Variants in POLR1A observed in about 807,000 individuals in gnomAD.
POLR1A encodes the protein RNA polymerase I subunit A, also known as DNA-directed RNA polymerase I subunit RPA1.
Under a neutral mutation model 205.3 loss-of-function variants are expected in POLR1A, and 84 were observed. The observed-to-expected ratio is 0.41, with a 90% CI of 0.34 to 0.49. POLR1A has a LOEUF of 0.49. POLR1A is among the 20% of genes least tolerant of loss of function. The pLI is 0.22. For missense variants in POLR1A, 1,645 were observed against 2,204.5 expected, an observed-to-expected ratio of 0.75 and a Z score of 5.08; for synonymous variants, 799 against 863.7, an observed-to-expected ratio of 0.93 and a Z score of 1.31.
intron 16 of POLR1A, among the ~76,000 whole-genome samples, chr2:86,049,785 A>G (rs2104396236): frequency 6.6e-6 from 1 of 152,266 alleles, no homozygotes; most frequent in South Asian, 2.1e-4. Flanking sequence ...GTCCCTCAGC[A>G]TTGCTTCAGG....
At position 86,054,293 on chromosome 2, in the gene POLR1A, CAAAGAA is replaced by C. The variant is rs1179032896; in HGVS notation, c.2059-10_2059-5del. On this transcript the variant is annotated splice_region_variant and splice_polypyrimidine_tract_variant and intron_variant, in intron 14 of 33. Coordinates refer to ENST00000263857, the MANE Select transcript of POLR1A (RefSeq NM_015425.6). ...TTATGAGCAGCGTTGACACAACCTGCAAAGAAAAAGAGGACAAACTGATGGCAAAAA... is the reference window on the plus strand; with the variant it reads ...TTATGAGCAGCGTTGACACAACCTGCAAAGAGGACAAACTGATGGCAAAAA... The C allele has an allele frequency of 6.2e-6, 10 of 1,611,900 alleles. No homozygotes were observed. The highest frequency in any genetic ancestry group is 8.5e-6 in the Non-Finnish European group (10 of 1,179,138).
At chr2:86,030,124 G>T in intron 31 of POLR1A, 72 bp downstream of exon 31, 1 of 1,290,684 alleles carries the variant, frequency 7.7e-7, no homozygotes, top group Non-Finnish European at 1.1e-6. Context: ...GAGCCTCCCA[G>T]TGGCTGGGTC....
At position 86,043,028 on chromosome 2, in the gene POLR1A, T is replaced by C. The variant is rs201128976; in HGVS notation, c.3303A>G (p.Lys1101=). 136 of 1,614,160 alleles carry C rather than the reference T, an allele frequency of 8.4e-5. No homozygotes were observed. The highest frequency in any genetic ancestry group is 1.1e-4 in the African/African-American group (8 of 75,044). ...GGTTTTCACTCTCAAGTTTCAGGGC[T>C]TTCACAGCTTCCTGAATTTTCTGGG... The part of the protein sequence containing the change: ...SYSQKIQEAV[K]ALKLESENRN... Residue 1101 remains lysine, a synonymous_variant, in exon 23 of 34, where the codon AAA becomes AAG. Coordinates refer to ENST00000263857, the MANE Select transcript of POLR1A (RefSeq NM_015425.6).
intron 19 of POLR1A, among the ~76,000 whole-genome samples, chr2:86,046,530 G>C (rs564220115): frequency 1.3e-5 from 2 of 152,124 alleles, no homozygotes; most frequent in African/African-American, 4.8e-5. Flanking sequence ...CTAGGACAAT[G>C]TTTATGTTTA....
In POLR1A at chr2:86,078,173, T is replaced by C. The variant is rs755537124; in HGVS notation, c.1198A>G (p.Ile400Val). The change falls in exon 10 of 34, where the codon ATT becomes GTT. Residue 400 changes from isoleucine to valine, a missense_variant. Transcript: ENST00000263857. Reference sequence around the variant, plus strand: ...TTGTCCATCTCGCTATCAAACACAATATTGACGTGGCTCTGAAGGCGAATC... The same window carrying C: ...TTGTCCATCTCGCTATCAAACACAACATTGACGTGGCTCTGAAGGCGAATC... The part of the protein sequence containing the change: ...IWIRLQSHVN[I>V]VFDSEMDKLM... 4 of 1,613,408 alleles carry C rather than the reference T, an allele frequency of 2.5e-6. 1 individual carries two copies. The East Asian group carries it at 8.9e-5, about 36-fold the overall frequency.
At chr2:86,040,593 T>C in intron 24 of POLR1A, 34 bp from the exon 25 acceptor site, 1 of 1,476,488 alleles carries the variant, frequency 6.8e-7, no homozygotes. Flanking sequence ...GGGTGGGGGT[T>C]GTGGCAGGGG....
chr2:86,098,189 C>T (rs927783052), intron 3 of POLR1A, among the ~76,000 whole-genome samples: 2 of 152,270 alleles, frequency 1.3e-5, no homozygotes, highest in Non-Finnish European at 2.9e-5. Context: ...AAGAAATAAT[C>T]GGACAATCTA....
At chr2:86,089,736 C>G in intron 4 of POLR1A, 86 bp downstream of exon 4, 1 of 844,360 alleles carries the variant, frequency 1.2e-6, no homozygotes, top group Non-Finnish European at 2.0e-6. Context: ...CTTTGGGAAG[C>G]CAGAAGTATA....
chr2:86,084,299 C>T (rs940688492), intron 6 of POLR1A, among the ~76,000 whole-genome samples: 6 of 151,512 alleles, frequency 4.0e-5, no homozygotes, highest in African/African-American at 1.2e-4. Context: ...TGACTGTAAT[C>T]CCAGCTACTA....
chr2:86,022,170 T>A lies in POLR1A; in HGVS notation c.*5253A>T, dbSNP rs1690156989. On this transcript the variant is annotated 3_prime_UTR_variant, in exon 34 of 34. Transcript: ENST00000263857. ...CCTCCTTCTGCCCCTGCTGGACAAA[T>A]GGCCTCGCTTGCTGTGCTGGGCTGG... The A allele has an allele frequency of 6.6e-6, 1 of 152,292 alleles. No homozygotes were observed. Among genetic ancestry groups the A allele is most frequent in the African/African-American group, 2.4e-5 (1 of 41,470 alleles). The allele number at this position is 152,292 out of a possible 1,614,324, so 9.4% of individuals were successfully genotyped here.
chr2:86,073,745 A>G (rs2104415776), intron 12 of POLR1A, among the ~76,000 whole-genome samples: 1 of 152,332 alleles, frequency 6.6e-6, no homozygotes, highest in African/African-American at 2.4e-5. Flanking sequence ...ATCCGTCTGC[A>G]GGGACTGCAA....
At chr2:86,030,604 A>G (rs11890563) in intron 30 of POLR1A, among the ~76,000 whole-genome samples, 16,504 of 152,194 alleles carry the variant, frequency 0.11, 1,248 homozygotes, top group African/African-American at 0.21. Flanking sequence ...TCAGGGGGAA[A>G]CAGTGGGGTT....
intron 3 of POLR1A, among the ~76,000 whole-genome samples, chr2:86,091,542 G>A (rs2104430342): frequency 6.6e-6 from 1 of 152,268 alleles, no homozygotes; most frequent in Non-Finnish European, 1.5e-5. Context: ...GAACTGGACT[G>A]TAAGGGTGAT....
intron 29 of POLR1A, among the ~76,000 whole-genome samples, chr2:86,031,847 TCA>T: frequency 6.6e-6 from 1 of 152,226 alleles, no homozygotes; most frequent in South Asian, 2.1e-4. Context: ...CCTGAGCCCC[TCA>T]CAGAGGTGGA....
intron 7 of POLR1A, among the ~76,000 whole-genome samples, chr2:86,082,780 A>G (rs1290910168): frequency 6.6e-6 from 1 of 152,228 alleles, no homozygotes; most frequent in Non-Finnish European, 1.5e-5. Flanking sequence ...GGGCATTTAA[A>G]ATAAGTTACA....
intron 31 of POLR1A, 70 bp downstream of exon 31, chr2:86,030,126 G>T: frequency 2.3e-6 from 3 of 1,304,484 alleles, no homozygotes; most frequent in African/African-American, 1.4e-5. Flanking sequence ...GCCTCCCAGT[G>T]GCTGGGTCTT....
At chr2:86,027,633 G>T in intron 33 of POLR1A, 110 bp from the exon 34 acceptor site, 1 of 1,000,026 alleles carries the variant, frequency 1.0e-6, no homozygotes. Flanking sequence ...TGGGTCCTGA[G>T]TCTCTGAAGC....
chr2:86,036,788 TCA>T (rs531757873), intron 27 of POLR1A, among the ~76,000 whole-genome samples: 37 of 152,318 alleles, frequency 2.4e-4, no homozygotes, highest in African/African-American at 1.2e-4. Flanking sequence ...GCTTTATTTA[TCA>T]CAGATTTTCA....
In POLR1A at chr2:86,042,768, CCA is replaced by C. The variant is rs72222261; in HGVS notation, c.3357+204_3357+205del. Among the ~76,000 whole-genome samples, 15,887 of 152,232 alleles carry C rather than the reference CCA, an allele frequency of 0.1. 2,776 individuals carry two copies. The highest frequency in any genetic ancestry group is 0.36 in the African/African-American group (14,855 of 41,464). The stretch of plus-strand genomic sequence containing the variant: ...GCGGGGAACCCCGAAGTCACAGGCC[CCA>C]GTTAGTCCCCCCAAACCCTGCCTAC... On this transcript the variant is annotated intron_variant, in intron 23 of 33. Transcript: ENST00000263857.
Sources: gnomAD v4.1 joint callset for allele counts (sites outside exome capture counted in the v4.1 genomes callset) on GRCh38, gnomAD v4.1.1 for gene constraint, MANE v1.5 for transcripts, NCBI Gene and HGNC (gene_info 2026-07-23, HGNC 2026-07-21) for gene names.